Variants in ATP8B2 observed in about 807,000 individuals in gnomAD.
The protein encoded by ATP8B2 is phospholipid-transporting ATPase ID.
A neutral mutation model predicts 133.4 loss-of-function variants in ATP8B2; 70 were observed. That is an observed-to-expected ratio of 0.52 (90% confidence interval 0.43 to 0.64). The LOEUF (loss-of-function observed/expected upper bound fraction) is 0.64. Ranked by LOEUF, ATP8B2 falls within the 30% of genes least tolerant of loss-of-function variation. The probability of loss-of-function intolerance (pLI) is 0.00; values close to 1 mark genes in which losing one functional copy is unlikely to be tolerated. For synonymous variants in ATP8B2, 517 were observed against 589.5 expected (o/e 0.88, Z 1.78); for missense variants, 1,101 against 1,535.7 (o/e 0.72, Z 4.73).
chr1:154,346,547 G>GCAC lies in ATP8B2; in HGVS notation c.3025-69_3025-67dup. 6.2e-7 allele frequency: 1 copy of GCAC among 1,608,962 alleles called. No homozygotes were observed. The highest frequency in any genetic ancestry group is 2.2e-5 in the East Asian group (1 of 44,824). On this transcript the variant is annotated intron_variant, in intron 25 of 27. Coordinates refer to ENST00000368489, the MANE Select transcript of ATP8B2 (RefSeq NM_001370597.1). This position sits in a 1 kb window ranked among gnomAD's most constrained non-coding sequence, Gnocchi z 4.5. Reference sequence around the variant, plus strand: ...CCTTCTGTCCCTGGGGCTGCCCTGGGCACCACAGTTCTGTTTCTGGGGGAA... The same window carrying GCAC: ...CCTTCTGTCCCTGGGGCTGCCCTGGGCACCACCACAGTTCTGTTTCTGGGGGAA...
chr1:154,337,717 C>T, intron 12 of ATP8B2, 173 bp downstream of exon 12: 2 of 1,547,016 alleles, frequency 1.3e-6, no homozygotes, highest in African/African-American at 1.4e-5. Flanking sequence ...CTTTTTACCA[C>T]AGTTTCCTGG....
At chr1:154,332,778 C>T (rs112957714) in intron 9 of ATP8B2, 81 bp downstream of exon 9, 6 of 1,138,600 alleles carry the variant, frequency 5.3e-6, no homozygotes, top group Non-Finnish European at 6.5e-6. Flanking sequence ...ATACATTTTC[C>T]TTTGGGCTTT....
chr1:154,339,501 A>T (rs115499891), intron 12 of ATP8B2, among the ~76,000 whole-genome samples: 454 of 152,304 alleles, frequency 3.0e-3, no homozygotes, highest in Middle Eastern at 0.017. Context: ...CTGCATTACT[A>T]TTTAAATGCC....
intron 9 of ATP8B2, among the ~76,000 whole-genome samples, chr1:154,333,314 G>A (rs1453259945): frequency 6.6e-6 from 1 of 150,928 alleles, no homozygotes; most frequent in African/African-American, 2.4e-5. Context: ...TGGGTGACAA[G>A]AGCGAAACTC....
rs768276954 is a variant in ATP8B2 at position 154,344,792 on chromosome 1, A to T, written c.2286+7A>T. Reference sequence around the variant, plus strand: ...CATAAATGGTCACAGCCTGGTAGGCATCGCTATCCTTAGCTTGGGCAGTAT... The same window carrying T: ...CATAAATGGTCACAGCCTGGTAGGCTTCGCTATCCTTAGCTTGGGCAGTAT... On this transcript the variant is annotated splice_region_variant and intron_variant, in intron 21 of 27. Coordinates refer to ENST00000368489, the MANE Select transcript of ATP8B2 (RefSeq NM_001370597.1). This position sits in a 1 kb window ranked among gnomAD's most constrained non-coding sequence, Gnocchi z 4.1. The T allele has an allele frequency of 5.0e-6, 8 of 1,591,514 alleles. No homozygotes were observed. In the East Asian group the frequency reaches 1.8e-4, roughly 36 times the overall value.
chr1:154,339,220 T>A (rs1760794), intron 12 of ATP8B2, among the ~76,000 whole-genome samples: 61,265 of 152,030 alleles, frequency 0.4, 13,653 homozygotes, highest in East Asian at 0.61. Context: ...GAATATAGTT[T>A]AGGCTTTTCC....
At position 154,346,721 on chromosome 1, in the gene ATP8B2, G is replaced by A; in HGVS notation, c.3126G>A (p.Gly1042=). The change falls in exon 26 of 28, where the codon GGG becomes GGA. Residue 1042 remains glycine, a synonymous_variant. Transcript: ENST00000368489. This position sits in a 1 kb window ranked among gnomAD's most constrained non-coding sequence, Gnocchi z 4.5. ...TCCTCTTTGCCATGCACAGCAATGGGCTCTTCGACATGTTTCCCAACCAGT... is the reference window on the plus strand; with the variant it reads ...TCCTCTTTGCCATGCACAGCAATGGACTCTTCGACATGTTTCCCAACCAGT... ...FAILFAMHSN[G]LFDMFPNQFR... 6.2e-7 allele frequency: 1 copy of A among 1,614,178 alleles called. No individual in the cohort carries two copies. The highest frequency in any genetic ancestry group is 8.5e-7 in the Non-Finnish European group (1 of 1,180,038).
intron 12 of ATP8B2, 67 bp downstream of exon 12, chr1:154,337,611 T>C (rs368745141): frequency 4.0e-5 from 65 of 1,614,098 alleles, no homozygotes; most frequent in Non-Finnish European, 5.3e-5. Context: ...TTTTCTTTTC[T>C]ATGAAGATGA....
Position 154,328,750 on chromosome 1 carries a change from C to T in ATP8B2, c.31+578C>T, listed in dbSNP as rs1472464722. 19 of 983,908 alleles carry T rather than the reference C, an allele frequency of 1.9e-5. No homozygotes were observed. The highest frequency in any genetic ancestry group is 2.3e-5 in the Non-Finnish European group (19 of 826,710). The allele number at this position is 983,908 out of a possible 1,614,324, so 60.9% of individuals were successfully genotyped here. On this transcript the variant is annotated intron_variant, in intron 2 of 27. Coordinates refer to ENST00000368489, the MANE Select transcript of ATP8B2 (RefSeq NM_001370597.1). This position sits in a 1 kb window ranked among gnomAD's most constrained non-coding sequence, Gnocchi z 4.6. Reference sequence around the variant, plus strand: ...GGCGTGTCCGGGGCCACTCAGCGCACGCTGGCATCCGCCGGGGGGCATGGG... The same window carrying T: ...GGCGTGTCCGGGGCCACTCAGCGCATGCTGGCATCCGCCGGGGGGCATGGG...
intron 2 of ATP8B2, among the ~76,000 whole-genome samples, chr1:154,330,013 C>T (rs1243115149): frequency 1.3e-5 from 2 of 152,122 alleles, no homozygotes; most frequent in Non-Finnish European, 2.9e-5. Context: ...GGAAGCTTTG[C>T]GTTTTCAGCG....
chr1:154,335,173 G>A (rs1230771601), intron 11 of ATP8B2, among the ~76,000 whole-genome samples: 1 of 152,140 alleles, frequency 6.6e-6, no homozygotes, highest in Non-Finnish European at 1.5e-5. Flanking sequence ...GCTTGTTTCC[G>A]CCCTGGCTTT....
In ATP8B2 at chr1:154,331,068, C is replaced by T. The variant is rs560904506; in HGVS notation, c.225C>T (p.Ser75=). 13 of 1,614,032 alleles carry T rather than the reference C, an allele frequency of 8.1e-6. No individual in the cohort carries two copies. In the African/African-American group the frequency reaches 1.5e-4, roughly 18 times the overall value. Residue 75 remains serine, a synonymous_variant, in exon 5 of 28, where the codon TCC becomes TCT. Transcript: ENST00000368489. The surrounding 1 kb of genome is among the most constrained non-coding windows in gnomAD (Gnocchi z 4.8). Reference sequence around the variant, plus strand: ...TTCAGTTGATCCCCCAGATCTCTTCCCTGTCCTGGTTCACCACCATTGTGC... The same window carrying T: ...TTCAGTTGATCCCCCAGATCTCTTCTCTGTCCTGGTTCACCACCATTGTGC... The part of the protein sequence containing the change: ...LILQLIPQIS[S]LSWFTTIVPL...
chr1:154,344,361 G>T lies in ATP8B2; in HGVS notation c.2036-34G>T. 14 of 1,614,150 alleles carry T rather than the reference G, an allele frequency of 8.7e-6. No individual in the cohort carries two copies. Among genetic ancestry groups the T allele is most frequent in the Non-Finnish European group, 1.2e-5 (14 of 1,179,992 alleles). On this transcript the variant is annotated intron_variant, in intron 19 of 27. Coordinates refer to ENST00000368489, the MANE Select transcript of ATP8B2 (RefSeq NM_001370597.1). This position sits in a 1 kb window ranked among gnomAD's most constrained non-coding sequence, Gnocchi z 4.1. ...GGCAAGTGTGCTGACCTTGTTGGGT[G>T]CCTGTCCGTAGCTCCTGCGTTCTCT...
Position 154,334,382 on chromosome 1 carries a change from AG to A in ATP8B2, c.748+119del. 1 of 1,510,638 alleles carries A rather than the reference AG, an allele frequency of 6.6e-7. No individual in the cohort carries two copies. The highest frequency in any genetic ancestry group is 9.1e-7 in the Non-Finnish European group (1 of 1,099,988). 93.6% of individuals were successfully genotyped at this position (1,510,638 alleles called of 1,614,324 possible). A position where few individuals can be genotyped will look rare whatever the true frequency, so the allele number is the denominator to read the frequency against. On this transcript the variant is annotated intron_variant, in intron 10 of 27. Transcript: ENST00000368489. The surrounding 1 kb of genome is among the most constrained non-coding windows in gnomAD (Gnocchi z 4.6). The stretch of plus-strand genomic sequence containing the variant: ...GTAAAAAACCTCCAGCTGTGTATAC[AG>A]GCTTCTTATCTAGCCAGTATCTCTA...
rs761193331 is a variant in ATP8B2, at chr1:154,344,629, C to A, written c.2142-12C>A. On this transcript the variant is annotated splice_polypyrimidine_tract_variant and intron_variant, in intron 20 of 27. Coordinates refer to ENST00000368489, the MANE Select transcript of ATP8B2 (RefSeq NM_001370597.1). This position sits in a 1 kb window ranked among gnomAD's most constrained non-coding sequence, Gnocchi z 4.1. ...CTGGAAGACCACAACCGTATCATTT[C>A]CACCTCGACAGGAAAGCCCGGGAGA... 1.9e-6 allele frequency: 3 copies of A among 1,606,380 alleles called. No homozygotes were observed. Among genetic ancestry groups the A allele is most frequent in the African/African-American group, 1.3e-5 (1 of 74,786 alleles).
At chr1:154,330,331 C>A in intron 2 of ATP8B2, 65 bp from the exon 3 acceptor site, 4 of 1,444,466 alleles carry the variant, frequency 2.8e-6, no homozygotes, top group Non-Finnish European at 3.9e-6. Flanking sequence ...ACAGGGAACC[C>A]CCCAGCAAAG....
In ATP8B2 at chr1:154,348,453, T is replaced by C. The variant is rs1375634493; in HGVS notation, c.3209T>C (p.Ile1070Thr). The C allele has an allele frequency of 2.5e-6, 4 of 1,613,770 alleles. No homozygotes were observed. The African/African-American group carries it at 4.0e-5, about 16-fold the overall frequency. Residue 1070 changes from isoleucine to threonine, a missense_variant, in exon 27 of 28, where the codon ATT (isoleucine) becomes ACT (threonine). Ile to Thr is a moderately conservative substitution (Grantham distance 89). Transcript: ENST00000368489. ...GCCCAGCCCACGGTGTGGCTGACCA[T>C]TGTGCTCACCACAGTCGTCTGCATC... ...TLAQPTVWLT[I>T]VLTTVVCIMP...
chr1:154,343,514 C>G lies in ATP8B2; in HGVS notation c.1704C>G (p.Asp568Glu), dbSNP rs2149173132. The change falls in exon 17 of 28, where the codon GAC becomes GAG. Residue 568 changes from aspartate (D) to glutamate (E), a missense_variant. Coordinates refer to ENST00000368489, the MANE Select transcript of ATP8B2 (RefSeq NM_001370597.1). The surrounding 1 kb of genome is among the most constrained non-coding windows in gnomAD (Gnocchi z 5.8). Reference sequence around the variant, plus strand: ...AAGGGGCTGACACTATCCTACTGGACAGACTGCACCACTCCACTCAAGAGC... The same window carrying G: ...AAGGGGCTGACACTATCCTACTGGAGAGACTGCACCACTCCACTCAAGAGC... ...YCKGADTILL[D>E]RLHHSTQELL... is the part of the protein sequence containing the mutation. 2 of 1,614,146 alleles carry G rather than the reference C, an allele frequency of 1.2e-6. No individual in the cohort carries two copies. The highest frequency in any genetic ancestry group is 4.5e-5 in the East Asian group (2 of 44,876).
chr1:154,330,636 G>A (rs1475995043), intron 3 of ATP8B2, 179 bp from the exon 4 acceptor site: 1 of 751,084 alleles, frequency 1.3e-6, no homozygotes, highest in Non-Finnish European at 2.2e-6. Context: ...TGTCAGTGAA[G>A]CAGAATACAT....
Sources: allele counts gnomAD v4.1 joint callset (sites outside exome capture counted in the v4.1 genomes callset), GRCh38; gene constraint gnomAD v4.1.1; non-coding constraint Gnocchi (gnomAD v3.1); transcripts MANE v1.5; gene names NCBI Gene and HGNC (gene_info 2026-07-23, HGNC 2026-07-21).